Variants in ADAM10 observed in about 807,000 individuals in gnomAD.
ADAM10 encodes ADAM metallopeptidase domain 10, also known as disintegrin and metalloproteinase domain-containing protein 10.
A neutral mutation model predicts 90.1 loss-of-function variants in ADAM10; 17 were observed. The ratio of observed to expected loss-of-function variants is 0.19; its 90% CI spans 0.13 to 0.28. The LOEUF (loss-of-function observed/expected upper bound fraction) is 0.28. ADAM10 is among the 10% of genes least tolerant of loss of function. The probability of loss-of-function intolerance (pLI) is 1.00; values close to 1 mark genes in which losing one functional copy is unlikely to be tolerated. For synonymous variants in ADAM10, 310 were observed against 298.6 expected (o/e 1.04, Z -0.40); for missense variants, 610 against 914.3 (o/e 0.67, Z 4.29).
intron 2 of ADAM10, among the ~76,000 whole-genome samples, chr15:58,710,192 T>A (rs1204775476): frequency 6.6e-6 from 1 of 152,112 alleles, no homozygotes; most frequent in Non-Finnish European, 1.5e-5. Flanking sequence ...GGCTGGAGAA[T>A]CACTTAAACC....
At chr15:58,715,683 T>C (rs1297890183) in intron 2 of ADAM10, among the ~76,000 whole-genome samples, 2 of 152,162 alleles carry the variant, frequency 1.3e-5, no homozygotes, top group African/African-American at 4.8e-5. Context: ...TCAGTAAACA[T>C]TTTTTGGACA....
chr15:58,651,827 A>G (rs930161771), intron 5 of ADAM10, among the ~76,000 whole-genome samples: 3 of 152,094 alleles, frequency 2.0e-5, no homozygotes, highest in Non-Finnish European at 4.4e-5. Flanking sequence ...CCTCCGAACT[A>G]TTCTCCATAG....
In ADAM10 at chr15:58,745,442, G is replaced by A. The variant is rs538130926; in HGVS notation, c.55+4038C>T. Among the ~76,000 whole-genome samples the A allele has an allele frequency of 5.9e-5, 9 of 152,264 alleles. No homozygotes were observed. In the South Asian group the frequency reaches 1.9e-3, roughly 32 times the overall value. ...AAATGGTTTCTTACTTACCCATTTA[G>A]ATAAAGAAATGTGGAGAGACTGTAA... On this transcript the variant is annotated intron_variant, in intron 1 of 15. Transcript: ENST00000260408.
intron 2 of ADAM10, chr15:58,698,248 C>A (rs1312283545): frequency 2.3e-6 from 1 of 444,396 alleles, no homozygotes; most frequent in Admixed American, 2.5e-5. Context: ...ACTAAGAAAT[C>A]ATAAAATTTA....
chr15:58,660,857 T>A (rs1191859167), intron 5 of ADAM10, among the ~76,000 whole-genome samples: 5 of 152,250 alleles, frequency 3.3e-5, no homozygotes, highest in African/African-American at 1.2e-4. Context: ...TTGTTCTCTA[T>A]CACAACTCTT....
At chr15:58,666,788 C>A (rs1214837041) in intron 4 of ADAM10, among the ~76,000 whole-genome samples, 1 of 151,952 alleles carries the variant, frequency 6.6e-6, no homozygotes, top group Non-Finnish European at 1.5e-5. Flanking sequence ...ATATAAATTC[C>A]TTTTGAAAGC....
At chr15:58,655,302 T>C (rs1298557873) in intron 5 of ADAM10, 1 of 153,832 alleles carries the variant, frequency 6.5e-6, no homozygotes, top group African/African-American at 2.4e-5. Context: ...ACAGGAAGCA[T>C]GGTGCTGGCA....
At chr15:58,705,949 G>A (rs1188443917) in intron 2 of ADAM10, among the ~76,000 whole-genome samples, 3 of 152,088 alleles carry the variant, frequency 2.0e-5, no homozygotes, top group Non-Finnish European at 2.9e-5. Flanking sequence ...CTTTATCATA[G>A]GTATTTATGT....
chr15:58,743,523 G>C (rs906393382), intron 1 of ADAM10, among the ~76,000 whole-genome samples: 1 of 152,062 alleles, frequency 6.6e-6, no homozygotes, highest in African/African-American at 2.4e-5. Flanking sequence ...CACAGTTGCT[G>C]TAACACAGCT....
At chr15:58,597,700 A>G in intron 15 of ADAM10, 59 bp from the exon 16 acceptor site, 1 of 1,588,854 alleles carries the variant, frequency 6.3e-7, no homozygotes, top group South Asian at 1.1e-5. Flanking sequence ...TTAATCTTTA[A>G]AAGCAAAGCT....
chr15:58,661,860 T>C (rs749178145), intron 5 of ADAM10, among the ~76,000 whole-genome samples: 1 of 152,220 alleles, frequency 6.6e-6, no homozygotes, highest in Non-Finnish European at 1.5e-5. Context: ...AATTTTCTTT[T>C]AAGCCTATCC....
intron 14 of ADAM10, among the ~76,000 whole-genome samples, chr15:58,604,479 G>A (rs1349485978): frequency 6.6e-6 from 1 of 152,168 alleles, no homozygotes; most frequent in Non-Finnish European, 1.5e-5. Flanking sequence ...TCTCTGGCCT[G>A]TCTTCTCTAT....
intron 2 of ADAM10, among the ~76,000 whole-genome samples, chr15:58,714,526 A>G (rs1408500627): frequency 6.6e-6 from 1 of 152,196 alleles, no homozygotes; most frequent in Non-Finnish European, 1.5e-5. Context: ...GATATTTTTT[A>G]AAGGGTGAAA....
chr15:58,655,126 A>ATC (rs1229267408), intron 5 of ADAM10: 2 of 152,006 alleles, frequency 1.3e-5, no homozygotes, highest in Admixed American at 6.6e-5. Flanking sequence ...ATTGAAGTCT[A>ATC]TCTCTCTCTC....
At chr15:58,735,657 A>G (rs1899408249) in intron 1 of ADAM10, among the ~76,000 whole-genome samples, 1 of 152,126 alleles carries the variant, frequency 6.6e-6, no homozygotes, top group African/African-American at 2.4e-5. Context: ...CATGTTAAGT[A>G]CAGACTCAAT....
At chr15:58,677,434 G>GA (rs1168409593) in intron 4 of ADAM10, among the ~76,000 whole-genome samples, 6 of 150,380 alleles carry the variant, frequency 4.0e-5, no homozygotes, top group Non-Finnish European at 5.9e-5. Context: ...CATCTTTGGG[G>GA]AAAAAAAAAG....
chr15:58,600,299 G>A (rs1360119275), intron 14 of ADAM10, among the ~76,000 whole-genome samples: 2 of 152,108 alleles, frequency 1.3e-5, no homozygotes, highest in African/African-American at 4.8e-5. Flanking sequence ...TAGAAAGCAT[G>A]TAACTTGCTT....
At chr15:58,723,867 A>G (rs1379481629) in intron 1 of ADAM10, among the ~76,000 whole-genome samples, 1 of 152,188 alleles carries the variant, frequency 6.6e-6, no homozygotes, top group African/African-American at 2.4e-5. Flanking sequence ...AAAGAATCCA[A>G]TTGAGAAGAA....
At chr15:58,634,790 C>T (rs1199453457) in intron 8 of ADAM10, among the ~76,000 whole-genome samples, 3 of 152,106 alleles carry the variant, frequency 2.0e-5, no homozygotes, top group Admixed American at 6.5e-5. Flanking sequence ...TTTCTATAGA[C>T]AAGTTACAAC....
Sources: allele counts gnomAD v4.1 joint callset (sites outside exome capture counted in the v4.1 genomes callset), GRCh38; gene constraint gnomAD v4.1.1; transcripts MANE v1.5; gene names NCBI Gene and HGNC (gene_info 2026-07-23, HGNC 2026-07-21).